Variants in INSL6 observed in about 807,000 individuals in gnomAD.
INSL6 encodes insulin like 6.
INSL6 carries 16 observed loss-of-function variants against 9.4 expected under a neutral mutation model. The observed-to-expected ratio is 1.70, with a 90% CI of 1.15 to 2.59. The LOEUF (loss-of-function observed/expected upper bound fraction) is 2.59. INSL6 is among the 30% of genes most tolerant of loss of function. The pLI is 0.00. For missense variants in INSL6, 391 were observed against 257.3 expected (o/e 1.52, Z -3.56); for synonymous variants, 154 against 96.9 (o/e 1.59, Z -3.46).
downstream of INSL6, among the ~76,000 whole-genome samples, chr9:5,120,064 C>T (rs571294579): frequency 1.3e-5 from 2 of 152,308 alleles, no homozygotes; most frequent in Non-Finnish European, 2.9e-5. Context: ...TCTCACACTT[C>T]TAGAGGTTAG....
the INSL6 span, among the ~76,000 whole-genome samples, chr9:5,040,615 C>T: frequency 6.6e-6 from 1 of 152,228 alleles, no homozygotes; most frequent in Non-Finnish European, 1.5e-5. Flanking sequence ...TACAGCTCAA[C>T]AAGACAATGA....
downstream of INSL6, among the ~76,000 whole-genome samples, chr9:5,162,714 C>G (rs1824952842): frequency 6.6e-6 from 1 of 152,106 alleles, no homozygotes; most frequent in African/African-American, 2.4e-5. Context: ...TAAAAACATT[C>G]AAAAATATTT....
chr9:5,048,522 A>G, the INSL6 span, among the ~76,000 whole-genome samples: 3 of 152,190 alleles, frequency 2.0e-5, no homozygotes, highest in African/African-American at 7.2e-5. Flanking sequence ...CTTAAACAGT[A>G]TAACTTACTT....
the INSL6 span, chr9:5,050,545 A>G: frequency 1.3e-6 from 1 of 765,426 alleles, no homozygotes; most frequent in East Asian, 2.8e-5. Flanking sequence ...TTCTGGGATT[A>G]CAGGCATGAG....
the INSL6 span, chr9:5,114,574 G>A: frequency 4.1e-6 from 2 of 491,098 alleles, no homozygotes; most frequent in East Asian, 5.5e-5. Flanking sequence ...CAGAACTTCT[G>A]GCCCAAGGAC....
chr9:5,030,003 C>T, the INSL6 span: 1 of 1,012,562 alleles, frequency 9.9e-7, no homozygotes, highest in Non-Finnish European at 1.4e-6. Context: ...ATACCAGATA[C>T]CTGAACCAAT....
chr9:5,182,272 T>C (rs1360998401), intron 1 of INSL6, among the ~76,000 whole-genome samples: 1 of 149,786 alleles, frequency 6.7e-6, no homozygotes, highest in Non-Finnish European at 1.5e-5. Context: ...CAATAAGATA[T>C]AGATCTTAAA....
the INSL6 span, among the ~76,000 whole-genome samples, chr9:5,039,116 T>G: frequency 6.6e-6 from 1 of 152,104 alleles, no homozygotes; most frequent in Admixed American, 6.5e-5. Flanking sequence ...ATAGCTACTT[T>G]TACCACTTTG....
chr9:5,126,501 C>A, intron 3 of INSL6: 2 of 1,228,726 alleles, frequency 1.6e-6, no homozygotes, highest in South Asian at 1.3e-5. Context: ...ACTTTTTACT[C>A]AAGGACTTCA....
intron 2 of INSL6, among the ~76,000 whole-genome samples, chr9:5,147,585 T>C (rs1824625382): frequency 6.6e-6 from 1 of 152,208 alleles, no homozygotes; most frequent in Non-Finnish European, 1.5e-5. Flanking sequence ...TCTGTATTTC[T>C]TGGATTTATA....
the INSL6 span, among the ~76,000 whole-genome samples, chr9:5,087,408 C>T: frequency 6.6e-6 from 1 of 152,178 alleles, no homozygotes; most frequent in African/African-American, 2.4e-5. Context: ...CTTCCAATGA[C>T]ATGTGGGGAT....
chr9:5,065,192 A>T, the INSL6 span: 1 of 452,394 alleles, frequency 2.2e-6, no homozygotes, highest in African/African-American at 2.0e-5. Flanking sequence ...ATTACATAAT[A>T]ATTAGAATTA....
At chr9:5,093,644 T>G in the INSL6 span, among the ~76,000 whole-genome samples, 1 of 152,116 alleles carries the variant, frequency 6.6e-6, no homozygotes, top group African/African-American at 2.4e-5. Flanking sequence ...ATATTCAACC[T>G]CCGAACAACC....
At chr9:5,081,708 A>T in the INSL6 span, 1 of 1,558,336 alleles carries the variant, frequency 6.4e-7, no homozygotes, top group Non-Finnish European at 8.8e-7. Flanking sequence ...AGGTGATAAT[A>T]TTCTTTATTT....
intron 3 of INSL6, chr9:5,126,720 G>T: frequency 1.2e-6 from 2 of 1,610,894 alleles, no homozygotes; most frequent in South Asian, 1.1e-5. Flanking sequence ...GAACAATAAT[G>T]TAAATCAACG....
At chr9:5,101,207 A>C in the INSL6 span, among the ~76,000 whole-genome samples, 1 of 152,232 alleles carries the variant, frequency 6.6e-6, no homozygotes, top group African/African-American at 2.4e-5. Flanking sequence ...CAGTCTTACC[A>C]AATGGCACAC....
the INSL6 span, chr9:5,086,206 C>G: frequency 1.7e-6 from 1 of 587,748 alleles, no homozygotes; most frequent in Non-Finnish European, 2.2e-6. Context: ...GCCCCCGCCA[C>G]CAGCGCGAGG....
the INSL6 span, chr9:5,080,673 G>T: frequency 5.1e-6 from 8 of 1,579,934 alleles, no homozygotes; most frequent in Non-Finnish European, 6.8e-6. Context: ...TTAACAGTTT[G>T]TTTACTCCAG....
At chr9:5,144,510 C>T (rs1034411707) in intron 2 of INSL6, among the ~76,000 whole-genome samples, 3 of 152,066 alleles carry the variant, frequency 2.0e-5, no homozygotes, top group East Asian at 1.9e-4. Context: ...CCATTTGATC[C>T]GGTGCTGAGT....
Sources: gnomAD v4.1 joint callset for allele counts (sites outside exome capture counted in the v4.1 genomes callset) on GRCh38, gnomAD v4.1.1 for gene constraint, MANE v1.5 for transcripts, NCBI Gene and HGNC (gene_info 2026-07-23, HGNC 2026-07-21) for gene names.